ATF7: variants seen among roughly 807,000 people sequenced by gnomAD.
The protein encoded by ATF7 is cyclic AMP-dependent transcription factor ATF-7.
A neutral mutation model predicts 50.4 loss-of-function variants in ATF7; 10 were observed. The ratio of observed to expected loss-of-function variants is 0.20; its 90% confidence interval spans 0.12 to 0.34. ATF7 has a LOEUF of 0.34. Among genes scored for constraint, ATF7 ranks in the 10% least tolerant of loss-of-function variants. The pLI, the probability that ATF7 is intolerant of heterozygous loss-of-function variation, is 1.00. For missense variants in ATF7, 465 were observed against 613.9 expected (o/e 0.76, Z 2.56); for synonymous variants, 201 against 226.4 (o/e 0.89, Z 1.01).
intron 5 of ATF7, among the ~76,000 whole-genome samples, chr12:53,536,571 CT>C (rs1359836254): frequency 2.0e-5 from 3 of 151,660 alleles, no homozygotes; most frequent in Non-Finnish European, 2.9e-5. Flanking sequence ...GCCACCGTGC[CT>C]GACTGATTTT....
chr12:53,521,500 A>C (rs1348515836), intron 11 of ATF7, among the ~76,000 whole-genome samples: 2 of 152,196 alleles, frequency 1.3e-5, no homozygotes. Context: ...GCATCTTTGC[A>C]GTTGCTGATC....
Position 53,524,085 on chromosome 12 carries a change from GTATT to G in ATF7, c.1125+475_1125+478del, listed in dbSNP as rs1378405915. 6.6e-6 allele frequency among the ~76,000 whole-genome samples: 1 copy of G among 152,130 alleles called. No homozygotes were observed. Among genetic ancestry groups the G allele is most frequent in the Non-Finnish European group, 1.5e-5 (1 of 68,016 alleles). ...TGTGTGTATATTTTATAATAGAAAT[GTATT>G]TATATATTGCTTTTTAAATTTAATA... On this transcript the variant is annotated intron_variant, in intron 10 of 11. Coordinates refer to ENST00000420353, the MANE Select transcript of ATF7 (RefSeq NM_006856.3). This position sits in a 1 kb window ranked among gnomAD's most constrained non-coding sequence, Gnocchi z 4.6.
intron 2 of ATF7, among the ~76,000 whole-genome samples, chr12:53,578,858 G>A (rs1196541873): frequency 2.0e-5 from 3 of 151,806 alleles, no homozygotes; most frequent in African/African-American, 7.3e-5. Flanking sequence ...GATCCTTGCC[G>A]TTGGAGGTTG....
chr12:53,601,012 C>T lies in ATF7; in HGVS notation c.-12G>A. 2 of 1,610,724 alleles carry T rather than the reference C, an allele frequency of 1.2e-6. No homozygotes were observed. The highest frequency in any genetic ancestry group is 1.7e-6 in the Non-Finnish European group (2 of 1,178,930). ...CTGTCGTCTCCCATATTTCATATAG[C>T]AGAGAGGAGCTGAGGAGGGGGAGGT... On this transcript the variant is annotated 5_prime_UTR_variant, in exon 2 of 12. Transcript: ENST00000420353.
At chr12:53,609,445 C>T (rs911196972) in intron 1 of ATF7, among the ~76,000 whole-genome samples, 5 of 147,372 alleles carry the variant, frequency 3.4e-5, no homozygotes, top group Non-Finnish European at 7.4e-5. Flanking sequence ...TGAGCCACTC[C>T]GCCTGGCCAC....
intron 1 of ATF7, among the ~76,000 whole-genome samples, chr12:53,622,170 C>T (rs374103276): frequency 2.0e-5 from 3 of 151,804 alleles, no homozygotes; most frequent in East Asian, 3.9e-4. Context: ...GCATGGATGG[C>T]GGGCACCTGT....
At position 53,537,549 on chromosome 12, in the gene ATF7, C is replaced by T; in HGVS notation, c.268G>A (p.Ala90Thr). Residue 90 changes from alanine (A) to threonine (T), a missense_variant, in exon 5 of 12, where the codon GCT (alanine) becomes ACT (threonine). Physicochemically the swap from Ala to Thr is moderately conservative, Grantham distance 58. Coordinates refer to ENST00000420353, the MANE Select transcript of ATF7 (RefSeq NM_006856.3). ...AGAGACATGTCAAGGGGCCCAGCAG[C>T]AGCCTGTTGTGAAAGAAAAATGAAC... Reference protein sequence around the residue: ...KAADEDEKKAAAGPLDMSLPS... With the variant: ...KAADEDEKKATAGPLDMSLPS... 1 of 1,613,232 alleles carries T rather than the reference C, an allele frequency of 6.2e-7. No homozygotes were observed. Among genetic ancestry groups the T allele is most frequent in the Non-Finnish European group, 8.5e-7 (1 of 1,179,792 alleles).
At position 53,550,341 on chromosome 12, in the gene ATF7, AAT is replaced by A. The variant is rs1300014318; in HGVS notation, c.145+2198_145+2199del. Among the ~76,000 whole-genome samples, 144 of 144,030 alleles carry A rather than the reference AAT, an allele frequency of 1.0e-3. 1 individual carries two copies. Among genetic ancestry groups the A allele is most frequent in the South Asian group, 4.9e-3 (23 of 4,734 alleles). The allele number at this position is 144,030 out of a possible 152,430, so 94.5% of individuals were successfully genotyped here. A position where few individuals can be genotyped will look rare whatever the true frequency, so the allele number is the denominator to read the frequency against. ...CCTGTCTCAAAAAAAAAAATAAATA[AAT>A]AAATAAATAAATAAATAAATAAATA... On this transcript the variant is annotated intron_variant, in intron 3 of 11. Transcript: ENST00000420353.
intron 11 of ATF7, among the ~76,000 whole-genome samples, chr12:53,518,271 C>A (rs929662461): frequency 6.6e-6 from 1 of 152,232 alleles, no homozygotes; most frequent in Non-Finnish European, 1.5e-5. Flanking sequence ...GTCCCTGGCC[C>A]GGGTTCAGTT....
chr12:53,587,505 C>G (rs555588441), intron 2 of ATF7, among the ~76,000 whole-genome samples: 17 of 151,256 alleles, frequency 1.1e-4, no homozygotes, highest in African/African-American at 3.1e-4. Context: ...GAAACCCCAT[C>G]TCTACCAAAA....
chr12:53,533,916 G>A (rs895291219), intron 6 of ATF7, among the ~76,000 whole-genome samples: 3 of 152,192 alleles, frequency 2.0e-5, no homozygotes, highest in Non-Finnish European at 4.4e-5. Flanking sequence ...TTTCCACACT[G>A]TAATGAACTT....
intron 11 of ATF7, 169 bp downstream of exon 11, chr12:53,523,107 T>C: frequency 1.7e-6 from 1 of 579,938 alleles, no homozygotes; most frequent in South Asian, 2.2e-5. Context: ...CTATATCGTC[T>C]ACAAAAACAT....
At chr12:53,581,979 C>T (rs1049141477) in intron 2 of ATF7, among the ~76,000 whole-genome samples, 4 of 151,238 alleles carry the variant, frequency 2.6e-5, no homozygotes, top group African/African-American at 7.3e-5. Context: ...AAAAATTAGC[C>T]GGGTATGGTG....
At chr12:53,578,429 G>A (rs547075171) in intron 2 of ATF7, among the ~76,000 whole-genome samples, 6 of 150,218 alleles carry the variant, frequency 4.0e-5, no homozygotes, top group South Asian at 2.1e-4. Context: ...ACCAAAATAC[G>A]GAGAAATTGT....
intron 2 of ATF7, among the ~76,000 whole-genome samples, chr12:53,587,843 A>ATATTTTTTTTT: frequency 1.6e-5 from 1 of 61,568 alleles, no homozygotes; most frequent in Admixed American, 2.3e-4. Flanking sequence ...ATATATATAT[A>ATATTTTTTTTT]TTTTTTTTTT....
intron 11 of ATF7, among the ~76,000 whole-genome samples, chr12:53,518,846 C>T (rs1289167393): frequency 6.6e-6 from 1 of 151,442 alleles, no homozygotes. Context: ...GAGATCGAGA[C>T]TACCCTGGCT....
intron 3 of ATF7, among the ~76,000 whole-genome samples, chr12:53,545,499 G>A (rs141211540): frequency 0.011 from 1,722 of 152,098 alleles, 73 homozygotes; most frequent in Admixed American, 0.072. Flanking sequence ...ACTATGCCTG[G>A]CTAATTTTGT....
chr12:53,544,171 G>T (rs192465158), intron 3 of ATF7, among the ~76,000 whole-genome samples: 168 of 152,298 alleles, frequency 1.1e-3, no homozygotes, highest in African/African-American at 3.9e-3. Flanking sequence ...TGCCCACAGG[G>T]GCTGCACGAG....
At chr12:53,509,546 C>A (rs1423795863), downstream of ATF7, among the ~76,000 whole-genome samples, 1 of 151,162 alleles carries the variant, frequency 6.6e-6, no homozygotes, top group African/African-American at 2.4e-5. Flanking sequence ...CTCTGTCACC[C>A]AGGCTGGAGT....
Sources: gnomAD v4.1 joint callset for allele counts (sites outside exome capture counted in the v4.1 genomes callset) on GRCh38, gnomAD v4.1.1 for gene constraint, Gnocchi (gnomAD v3.1) non-coding constraint, MANE v1.5 for transcripts, NCBI Gene and HGNC (gene_info 2026-07-23, HGNC 2026-07-21) for gene names.